The following KCNH7 variants were observed in gnomAD, a reference collection of about 807,000 sequenced individuals.
KCNH7 encodes the protein voltage-gated inwardly rectifying potassium channel KCNH7.
Under a neutral mutation model 120.8 loss-of-function variants are expected in KCNH7, and 49 were observed. The ratio of observed to expected loss-of-function variants is 0.41; its 90% CI spans 0.32 to 0.51. The LOEUF is 0.51. Among genes scored for constraint, KCNH7 ranks in the 20% least tolerant of loss-of-function variants. The pLI, the probability that KCNH7 is intolerant of heterozygous loss-of-function variation, is 0.38. For missense variants in KCNH7, 1,097 were observed against 1,446.6 expected (o/e 0.76, Z 3.92); for synonymous variants, 547 against 516.1 (o/e 1.06, Z -0.81).
rs60201823 is a variant in KCNH7, at chr2:162,601,399, C to CTTTTTTTTTTTTTTTTTTTT, written c.308-64339_308-64320dup. Reference sequence around the variant, plus strand: ...AAATTTTAAAAAAGTACTTCTTGTGCTTTTTTTTTTTTTTTTTTTTTTTTT... The same window carrying CTTTTTTTTTTTTTTTTTTTT: ...AAATTTTAAAAAAGTACTTCTTGTGCTTTTTTTTTTTTTTTTTTTTTTTTTTTTTTTTTTTTTTTTTTTTT... On this transcript the variant is annotated intron_variant, in intron 2 of 15. Coordinates refer to ENST00000332142, the MANE Select transcript of KCNH7 (RefSeq NM_033272.4). Among the ~76,000 whole-genome samples the CTTTTTTTTTTTTTTTTTTTT allele has an allele frequency of 2.4e-3, 23 of 9,602 alleles. 2 individuals carry two copies. The highest frequency in any genetic ancestry group is 8.3e-3 in the South Asian group (1 of 120). The allele number at this position is 9,602 out of a possible 152,430, so 6.3% of individuals were successfully genotyped here. A position where few individuals can be genotyped will look rare whatever the true frequency, so the allele number is the denominator to read the frequency against.
At chr2:162,554,452 C>T (rs1028053328) in intron 2 of KCNH7, among the ~76,000 whole-genome samples, 2 of 151,860 alleles carry the variant, frequency 1.3e-5, no homozygotes, top group East Asian at 3.9e-4. Flanking sequence ...TAAAGCCTGG[C>T]GTGTTTAAAA....
chr2:162,447,320 C>T (rs532106771), intron 6 of KCNH7, among the ~76,000 whole-genome samples: 1 of 152,042 alleles, frequency 6.6e-6, no homozygotes, highest in East Asian at 1.9e-4. Context: ...GTAGAAAAGT[C>T]CATGATTTAG....
chr2:162,559,011 C>T (rs1321158809), intron 2 of KCNH7, among the ~76,000 whole-genome samples: 2 of 134,310 alleles, frequency 1.5e-5, no homozygotes, highest in Non-Finnish European at 1.5e-5. Flanking sequence ...GCCAAGATTG[C>T]GTCACTGCAG....
intron 6 of KCNH7, among the ~76,000 whole-genome samples, chr2:162,476,424 A>C (rs929566871): frequency 1.9e-4 from 29 of 152,344 alleles, no homozygotes; most frequent in African/African-American, 6.5e-4. Context: ...TCCTGAAACT[A>C]TCATTTAACT....
chr2:162,707,990 TC>T (rs1362741725), intron 2 of KCNH7, among the ~76,000 whole-genome samples: 2 of 151,960 alleles, frequency 1.3e-5, no homozygotes, highest in Non-Finnish European at 2.9e-5. Flanking sequence ...AATTATAACC[TC>T]CCCATCTACT....
intron 2 of KCNH7, among the ~76,000 whole-genome samples, chr2:162,824,846 A>G (rs1298510374): frequency 6.6e-6 from 1 of 152,034 alleles, no homozygotes; most frequent in African/African-American, 2.4e-5. Context: ...AAAACTATAT[A>G]TATATATGTA....
chr2:162,512,364 G>C (rs1250459823), intron 5 of KCNH7, among the ~76,000 whole-genome samples: 1 of 151,722 alleles, frequency 6.6e-6, no homozygotes, highest in African/African-American at 2.4e-5. Flanking sequence ...AATATATTTA[G>C]CTTGATATTT....
At chr2:162,772,291 G>A (rs943715639) in intron 2 of KCNH7, among the ~76,000 whole-genome samples, 3 of 152,136 alleles carry the variant, frequency 2.0e-5, no homozygotes, top group African/African-American at 7.2e-5. Context: ...AATTTTTTAT[G>A]AGGTAAGCTA....
chr2:162,744,625 T>A (rs1288922022), intron 2 of KCNH7, among the ~76,000 whole-genome samples: 3 of 147,966 alleles, frequency 2.0e-5, no homozygotes, highest in African/African-American at 7.5e-5. Flanking sequence ...CAGGCTGGAA[T>A]GCAGTGGCGT....
intron 2 of KCNH7, among the ~76,000 whole-genome samples, chr2:162,639,726 A>C (rs917312744): frequency 5.3e-5 from 8 of 152,096 alleles, no homozygotes; most frequent in African/African-American, 1.9e-4. Flanking sequence ...ATTCTAGTGT[A>C]ATAAGGCAAG....
intron 2 of KCNH7, among the ~76,000 whole-genome samples, chr2:162,591,097 C>T (rs1295149562): frequency 6.6e-6 from 1 of 151,980 alleles, no homozygotes; most frequent in South Asian, 2.1e-4. Flanking sequence ...TGGCTGTCTC[C>T]CTCTCCACCT....
intron 2 of KCNH7, among the ~76,000 whole-genome samples, chr2:162,728,714 G>A (rs1483862916): frequency 2.6e-5 from 4 of 152,110 alleles, no homozygotes; most frequent in Non-Finnish European, 4.4e-5. Flanking sequence ...GGAGGCAGAG[G>A]TTGTGGTGAG....
intron 12 of KCNH7, 50 bp from the exon 13 acceptor site, chr2:162,384,989 T>C: frequency 2.0e-6 from 3 of 1,466,306 alleles, no homozygotes; most frequent in Non-Finnish European, 2.8e-6. Context: ...GACAATTAAA[T>C]GTGAGACGGT....
At chr2:162,645,752 C>A (rs920945696) in intron 2 of KCNH7, among the ~76,000 whole-genome samples, 3 of 152,094 alleles carry the variant, frequency 2.0e-5, no homozygotes, top group Non-Finnish European at 4.4e-5. Context: ...GTAGAATGTA[C>A]AACAGTATCC....
intron 2 of KCNH7, among the ~76,000 whole-genome samples, chr2:162,613,403 A>G (rs1683033981): frequency 6.6e-6 from 1 of 152,006 alleles, no homozygotes; most frequent in South Asian, 2.1e-4. Context: ...AAACAACACT[A>G]AGAATTTGCT....
chr2:162,625,671 G>A (rs1683528726), intron 2 of KCNH7, among the ~76,000 whole-genome samples: 1 of 152,110 alleles, frequency 6.6e-6, no homozygotes, highest in Non-Finnish European at 1.5e-5. Context: ...GGGTTTTGTT[G>A]CCTAGCTTTC....
chr2:162,647,871 T>C (rs1684422701), intron 2 of KCNH7, among the ~76,000 whole-genome samples: 1 of 152,212 alleles, frequency 6.6e-6, no homozygotes, highest in Non-Finnish European at 1.5e-5. Flanking sequence ...ATAAGAACTA[T>C]GTTGTATGTA....
chr2:162,449,385 A>G (rs1403949472), intron 6 of KCNH7, among the ~76,000 whole-genome samples: 1 of 152,090 alleles, frequency 6.6e-6, no homozygotes, highest in Non-Finnish European at 1.5e-5. Flanking sequence ...TTATGCTTAT[A>G]ACTCTTAATA....
intron 2 of KCNH7, among the ~76,000 whole-genome samples, chr2:162,741,269 A>G (rs1335136846): frequency 1.3e-5 from 2 of 149,636 alleles, no homozygotes; most frequent in African/African-American, 2.4e-5. Flanking sequence ...CATATTAATA[A>G]CATATGTTAT....
Sources: gnomAD v4.1 joint callset for allele counts (sites outside exome capture counted in the v4.1 genomes callset) on GRCh38, gnomAD v4.1.1 for gene constraint, MANE v1.5 for transcripts, NCBI Gene and HGNC (gene_info 2026-07-23, HGNC 2026-07-21) for gene names.